DACH2: variants seen among roughly 807,000 people sequenced by gnomAD.
The protein encoded by DACH2 is dachshund family transcription factor 2.
A neutral mutation model predicts 35.8 loss-of-function variants in DACH2; 17 were observed. That is an observed-to-expected ratio of 0.48 (90% CI 0.33 to 0.71). The LOEUF (loss-of-function observed/expected upper bound fraction) is 0.71. DACH2 is among the 30% of genes least tolerant of loss of function. The pLI, the probability that DACH2 is intolerant of heterozygous loss-of-function variation, is 0.02. For missense variants in DACH2, 469 were observed against 472.7 expected, an observed-to-expected ratio of 0.99 and a Z score of 0.07; for synonymous variants, 195 against 177.3, an observed-to-expected ratio of 1.10 and a Z score of -0.79.
chrX:86,533,893 G>T (rs992357564), intron 3 of DACH2, among the ~76,000 whole-genome samples: 3 of 111,003 alleles, frequency 2.7e-5, no homozygotes, highest in Non-Finnish European at 5.7e-5. Context: ...TTTGTGGCTT[G>T]TCAAATGTAT....
intron 7 of DACH2, among the ~76,000 whole-genome samples, chrX:86,806,728 A>T (rs897166022): frequency 8.9e-6 from 1 of 112,205 alleles, no homozygotes; most frequent in Non-Finnish European, 1.9e-5. Flanking sequence ...TCTGAGCTCA[A>T]AAAGTTTTGA....
intron 1 of DACH2, among the ~76,000 whole-genome samples, chrX:86,361,674 A>C (rs182530488): frequency 4.5e-5 from 5 of 112,055 alleles, no homozygotes; most frequent in South Asian, 7.2e-4. Flanking sequence ...GTACTATTAC[A>C]TAAAGATATA....
chrX:86,494,244 G>A (rs1243222061), intron 2 of DACH2, among the ~76,000 whole-genome samples: 1 of 112,080 alleles, frequency 8.9e-6, no homozygotes, highest in Non-Finnish European at 1.9e-5. Context: ...GAAAGTTGCA[G>A]GGAGTGACTT....
At chrX:86,217,100 A>T (rs2032591909) in intron 1 of DACH2, among the ~76,000 whole-genome samples, 1 of 110,107 alleles carries the variant, frequency 9.1e-6, no homozygotes, top group Non-Finnish European at 1.9e-5. Context: ...AAAAATAAAA[A>T]AAAAAAAAAA....
chrX:86,292,478 T>G (rs2034325245), intron 1 of DACH2, among the ~76,000 whole-genome samples: 1 of 109,922 alleles, frequency 9.1e-6, no homozygotes, highest in Non-Finnish European at 1.9e-5. Context: ...CTTTTGAATG[T>G]GTTTGCTCTT....
chrX:86,659,421 G>T (rs1660616407), intron 4 of DACH2, among the ~76,000 whole-genome samples: 1 of 110,748 alleles, frequency 9.0e-6, no homozygotes. Context: ...CAGTTTGTAT[G>T]AAGCCACCTC....
At chrX:86,176,022 C>T (rs1202337867) in intron 1 of DACH2, among the ~76,000 whole-genome samples, 1 of 111,527 alleles carries the variant, frequency 9.0e-6, no homozygotes, top group Non-Finnish European at 1.9e-5. Context: ...GTTTTAATTT[C>T]ACCACGTAAA....
At chrX:86,534,596 G>T (rs2038770546) in intron 3 of DACH2, among the ~76,000 whole-genome samples, 1 of 111,358 alleles carries the variant, frequency 9.0e-6, no homozygotes, top group Non-Finnish European at 1.9e-5. Context: ...GACTCCACTT[G>T]GCTTTCTTTC....
intron 2 of DACH2, among the ~76,000 whole-genome samples, chrX:86,416,383 A>G (rs73631935): frequency 0.087 from 9,752 of 111,503 alleles, 1,067 homozygotes; most frequent in African/African-American, 0.3. Context: ...TCTATATTCT[A>G]TGTGTTTCTC....
chrX:86,555,482 CA>C (rs2039105520), intron 3 of DACH2, among the ~76,000 whole-genome samples: 1 of 111,241 alleles, frequency 9.0e-6, no homozygotes, highest in Non-Finnish European at 1.9e-5. Context: ...TAGTTTTGTA[CA>C]ATTTAAAGCA....
intron 1 of DACH2, among the ~76,000 whole-genome samples, chrX:86,333,946 C>T (rs1413653033): frequency 9.0e-6 from 1 of 110,750 alleles, no homozygotes; most frequent in Non-Finnish European, 1.9e-5. Context: ...GTGAGGTTCC[C>T]CTCCCTGTGT....
chrX:86,696,099 C>T (rs1055986143), intron 5 of DACH2, among the ~76,000 whole-genome samples: 1 of 111,743 alleles, frequency 8.9e-6, no homozygotes, highest in Non-Finnish European at 1.9e-5. Context: ...CTTTCTGCAG[C>T]AAAGCAGATC....
chrX:86,752,519 G>T (rs1195148931), intron 7 of DACH2, among the ~76,000 whole-genome samples: 1 of 111,563 alleles, frequency 9.0e-6, no homozygotes, highest in Non-Finnish European at 1.9e-5. Context: ...TATGATTTTA[G>T]TAATCACTAT....
chrX:86,592,295 GC>G (rs1042285435), intron 3 of DACH2, among the ~76,000 whole-genome samples: 3 of 111,677 alleles, frequency 2.7e-5, no homozygotes, highest in Non-Finnish European at 5.6e-5. Context: ...TCCATGACTT[GC>G]CTTTGCAGTT....
At chrX:86,511,471 T>C (rs985404140) in intron 2 of DACH2, among the ~76,000 whole-genome samples, 1 of 111,547 alleles carries the variant, frequency 9.0e-6, no homozygotes, top group Admixed American at 9.6e-5. Flanking sequence ...CTCACAACCA[T>C]ACTCACTAAA....
intron 1 of DACH2, among the ~76,000 whole-genome samples, chrX:86,359,082 G>A (rs376819935): frequency 7.8e-5 from 2 of 25,528 alleles, no homozygotes; most frequent in African/African-American, 1.0e-4. Flanking sequence ...ATTATATTTT[G>A]TCGTGTGTGT....
intron 1 of DACH2, among the ~76,000 whole-genome samples, chrX:86,182,658 G>T (rs998005756): frequency 4.5e-5 from 5 of 111,417 alleles, no homozygotes; most frequent in Middle Eastern, 9.3e-3. Flanking sequence ...TTGGCTATAC[G>T]GGCTCATTTT....
intron 1 of DACH2, among the ~76,000 whole-genome samples, chrX:86,285,375 T>A (rs1246860744): frequency 8.9e-6 from 1 of 111,962 alleles, no homozygotes; most frequent in African/African-American, 3.2e-5. Flanking sequence ...TATGTTGTAT[T>A]TTTGTTATTA....
intron 3 of DACH2, among the ~76,000 whole-genome samples, chrX:86,538,254 T>C (rs2038830855): frequency 9.0e-6 from 1 of 111,646 alleles, no homozygotes; most frequent in Non-Finnish European, 1.9e-5. Flanking sequence ...TAATCACCAC[T>C]TAAATAATCT....
Sources: allele counts gnomAD v4.1 joint callset (sites outside exome capture counted in the v4.1 genomes callset), GRCh38; gene constraint gnomAD v4.1.1; transcripts MANE v1.5; gene names NCBI Gene and HGNC (gene_info 2026-07-23, HGNC 2026-07-21).